TEAD1: variants seen among roughly 807,000 people sequenced by gnomAD.
TEAD1 encodes TEA domain transcription factor 1.
TEAD1 carries 9 observed loss-of-function variants against 54.9 expected under a neutral mutation model. The observed-to-expected ratio is 0.16, with a 90% CI of 0.10 to 0.29. The LOEUF (loss-of-function observed/expected upper bound fraction) is 0.29, where lower values mean the gene tolerates loss of function less well. Among genes scored for constraint, TEAD1 ranks in the 10% least tolerant of loss-of-function variants. The pLI, the probability that TEAD1 is intolerant of heterozygous loss-of-function variation, is 1.00. For missense variants in TEAD1, 387 were observed against 535.9 expected (o/e 0.72, Z 2.74); for synonymous variants, 200 against 187.8 (o/e 1.07, Z -0.53).
chr11:12,920,166 G>A (rs138747639), intron 10 of TEAD1, among the ~76,000 whole-genome samples: 26 of 152,276 alleles, frequency 1.7e-4, no homozygotes, highest in Non-Finnish European at 2.2e-4. Context: ...ATAAAGGAAG[G>A]CGGTCTTAAA....
chr11:12,855,955 A>C (rs547908937), intron 3 of TEAD1, among the ~76,000 whole-genome samples: 7 of 151,484 alleles, frequency 4.6e-5, no homozygotes, highest in Admixed American at 2.0e-4. Flanking sequence ...CTTAAAAAAA[A>C]AAAAAAAGGA....
chr11:12,840,019 G>A lies in TEAD1; in HGVS notation c.203-22231G>A, dbSNP rs545891572. ...TCCAAGCACTTTGGGAGGCCGAGGC[G>A]GGTGAATCATGAGGTCAGGAGATCA... On this transcript the variant is annotated intron_variant, in intron 3 of 12. Transcript: ENST00000527636. Among the ~76,000 whole-genome samples, 123 of 152,028 alleles carry A rather than the reference G, an allele frequency of 8.1e-4. 1 individual carries two copies. Among genetic ancestry groups the A allele is most frequent in the African/African-American group, 2.5e-3 (102 of 41,456 alleles).
At chr11:12,889,774 TGTA>T (rs1232025589) in intron 9 of TEAD1, among the ~76,000 whole-genome samples, 3 of 152,122 alleles carry the variant, frequency 2.0e-5, no homozygotes, top group African/African-American at 7.2e-5. Flanking sequence ...CAGGCTGGAA[TGTA>T]GTGGCACAAT....
chr11:12,873,271 G>T (rs1366202973), intron 5 of TEAD1, among the ~76,000 whole-genome samples: 2 of 152,332 alleles, frequency 1.3e-5, no homozygotes, highest in Non-Finnish European at 2.9e-5. Context: ...AAAGGGGGCT[G>T]AGGTCAGAAG....
chr11:12,682,857 A>AT (rs1424608310), intron 2 of TEAD1, among the ~76,000 whole-genome samples: 1 of 152,166 alleles, frequency 6.6e-6, no homozygotes, highest in Non-Finnish European at 1.5e-5. Context: ...TGTGTATGGT[A>AT]TTTCGTGAGT....
At chr11:12,823,609 T>C (rs1406764595) in intron 3 of TEAD1, 1 of 152,158 alleles carries the variant, frequency 6.6e-6, no homozygotes, top group African/African-American at 2.4e-5. Flanking sequence ...GGTGCTTCCT[T>C]GATGTGAATA....
intron 10 of TEAD1, among the ~76,000 whole-genome samples, chr11:12,912,920 CCCTT>C (rs755451726): frequency 4.1e-4 from 63 of 152,202 alleles, no homozygotes; most frequent in Non-Finnish European, 6.9e-4. Flanking sequence ...AGGGGTCTGT[CCCTT>C]CCTTCTGGGG....
At chr11:12,718,582 C>T (rs924162082) in intron 2 of TEAD1, among the ~76,000 whole-genome samples, 1 of 145,830 alleles carries the variant, frequency 6.9e-6, no homozygotes, top group African/African-American at 2.5e-5. Context: ...TGTACCGTTG[C>T]TTTTTTTTTT....
At chr11:12,775,109 A>G (rs1160916246) in intron 3 of TEAD1, among the ~76,000 whole-genome samples, 2 of 152,210 alleles carry the variant, frequency 1.3e-5, no homozygotes, top group African/African-American at 2.4e-5. Context: ...AAAGTAGGAA[A>G]GAACACTATG....
chr11:12,814,777 C>CTGTGTGTGTGTGTGTG (rs397842274), intron 3 of TEAD1, among the ~76,000 whole-genome samples: 4 of 106,230 alleles, frequency 3.8e-5, no homozygotes, highest in Admixed American at 9.4e-5. Context: ...TCGCAGAGCT[C>CTGTGTGTGTGTGTGTG]TGTGTGTGTG....
intron 10 of TEAD1, among the ~76,000 whole-genome samples, chr11:12,920,435 C>G (rs542492486): frequency 6.6e-5 from 10 of 152,246 alleles, no homozygotes; most frequent in African/African-American, 2.4e-4. Flanking sequence ...CCCACCTGCC[C>G]CCATACACAA....
chr11:12,698,512 G>GTT (rs77396552), intron 2 of TEAD1, among the ~76,000 whole-genome samples: 1 of 144,712 alleles, frequency 6.9e-6, no homozygotes, highest in African/African-American at 2.5e-5. Flanking sequence ...CTTAAAGAGG[G>GTT]TTTTTTTTTT....
chr11:12,834,737 CA>C (rs71454002), intron 3 of TEAD1, among the ~76,000 whole-genome samples: 103,787 of 150,622 alleles, frequency 0.69, 35,988 homozygotes, highest in East Asian at 0.76. Flanking sequence ...ATTGGGATTA[CA>C]GAGGTTCACA....
At position 12,781,989 on chromosome 11, in the gene TEAD1, AG is replaced by A. The variant is rs1564937776; in HGVS notation, c.202+17556del. Among the ~76,000 whole-genome samples the A allele has an allele frequency of 3.9e-4, 52 of 133,776 alleles. 2 individuals carry two copies. Among genetic ancestry groups the A allele is most frequent in the African/African-American group, 1.8e-3 (44 of 24,770 alleles). 87.8% of individuals were successfully genotyped at this position (133,776 alleles called of 152,430 possible). A position where few individuals can be genotyped will look rare whatever the true frequency, so the allele number is the denominator to read the frequency against. On this transcript the variant is annotated intron_variant, in intron 3 of 12. Transcript: ENST00000527636. ...AAAAAAAAGAAAGAAAAAAAGAAAA[AG>A]AAAAAAAAAATTAGCCAAGCGTGGT...
At chr11:12,698,915 A>G (rs1175685081) in intron 2 of TEAD1, among the ~76,000 whole-genome samples, 1 of 152,146 alleles carries the variant, frequency 6.6e-6, no homozygotes, top group African/African-American at 2.4e-5. Flanking sequence ...TACCTTATAT[A>G]ACTTTTTCAT....
chr11:12,759,985 C>T (rs1420116324), intron 2 of TEAD1, among the ~76,000 whole-genome samples: 4 of 152,194 alleles, frequency 2.6e-5, no homozygotes, highest in African/African-American at 2.4e-5. Flanking sequence ...CTGTTGAACC[C>T]GTGAATAAAT....
At chr11:12,789,902 C>T (rs1945760980) in intron 3 of TEAD1, among the ~76,000 whole-genome samples, 1 of 152,246 alleles carries the variant, frequency 6.6e-6, no homozygotes, top group South Asian at 2.1e-4. Flanking sequence ...ACAGACCCAC[C>T]TTGGTGGGGG....
chr11:12,930,088 TA>T, intron 11 of TEAD1, 85 bp from the exon 12 acceptor site: 2 of 1,546,860 alleles, frequency 1.3e-6, no homozygotes, highest in Non-Finnish European at 8.9e-7. Flanking sequence ...GTTGAAAAAC[TA>T]AAATGCTTTT....
intron 12 of TEAD1, 25 bp from the exon 13 acceptor site, chr11:12,937,084 A>G (rs1222760279): frequency 3.4e-6 from 5 of 1,482,640 alleles, no homozygotes; most frequent in Non-Finnish European, 4.7e-6. Flanking sequence ...TTTTGGTATT[A>G]TATACTTTTT....
Sources: gnomAD v4.1 joint callset for allele counts (sites outside exome capture counted in the v4.1 genomes callset) on GRCh38, gnomAD v4.1.1 for gene constraint, MANE v1.5 for transcripts, NCBI Gene and HGNC (gene_info 2026-07-23, HGNC 2026-07-21) for gene names.